CHST9: variants seen among roughly 807,000 people sequenced by gnomAD.
CHST9 encodes the protein GalNAc-4-sulfotransferase 2.
CHST9 carries 41 observed loss-of-function variants against 44.4 expected under a neutral mutation model. The ratio of observed to expected loss-of-function variants is 0.92; its 90% CI spans 0.72 to 1.20. CHST9 has a LOEUF of 1.20. Among genes scored for constraint, CHST9 ranks in the 50% most tolerant of loss-of-function variants. The probability of loss-of-function intolerance (pLI) is 0.00; values close to 1 mark genes in which losing one functional copy is unlikely to be tolerated. For missense variants in CHST9, 504 were observed against 516.5 expected (o/e 0.98, Z 0.23); for synonymous variants, 171 against 178.4 (o/e 0.96, Z 0.33).
intron 2 of CHST9, among the ~76,000 whole-genome samples, chr18:27,055,200 A>C (rs1399675616): frequency 1.3e-5 from 2 of 152,190 alleles, no homozygotes; most frequent in South Asian, 2.1e-4. Flanking sequence ...TAGAATCATG[A>C]CAATGAAAAT....
intron 4 of CHST9, among the ~76,000 whole-genome samples, chr18:26,954,092 A>AT (rs907406308): frequency 7.2e-5 from 11 of 152,090 alleles, no homozygotes; most frequent in Non-Finnish European, 1.6e-4. Flanking sequence ...ATCAAATTGT[A>AT]TTTTAATAAG....
At chr18:27,049,800 A>T (rs535153228) in intron 2 of CHST9, among the ~76,000 whole-genome samples, 1 of 152,184 alleles carries the variant, frequency 6.6e-6, no homozygotes, top group Non-Finnish European at 1.5e-5. Flanking sequence ...GAAATTACAG[A>T]TGCAAGAAAT....
In CHST9 at chr18:26,992,110, A is replaced by T. The variant is rs1460937168; in HGVS notation, c.202+32006T>A. ...TCCCACCCTGTTCCTATGTTTGGGG[A>T]TCCCAACTTTGAGGTTGAGCCCACA... On this transcript the variant is annotated intron_variant, in intron 4 of 5. Coordinates refer to ENST00000618847, the MANE Select transcript of CHST9 (RefSeq NM_031422.6). Among the ~76,000 whole-genome samples the T allele has an allele frequency of 5.5e-5, 7 of 127,090 alleles. 1 individual carries two copies. The highest frequency in any genetic ancestry group is 1.9e-4 in the African/African-American group (7 of 37,610). 83.4% of individuals were successfully genotyped at this position (127,090 alleles called of 152,430 possible). A position where few individuals can be genotyped will look rare whatever the true frequency, so the allele number is the denominator to read the frequency against.
Position 27,151,734 on chromosome 18 carries a change from G to C in CHST9, c.-96-8829C>G, listed in dbSNP as rs573570765. ...GAAAGGGAACCATGAGCTAGGGAAT[G>C]TAGGTGGCCTCTAGCAGCTAAAAAA... On this transcript the variant is annotated intron_variant, in intron 1 of 5. Coordinates refer to ENST00000618847, the MANE Select transcript of CHST9 (RefSeq NM_031422.6). Among the ~76,000 whole-genome samples, 14 of 152,286 alleles carry C rather than the reference G, an allele frequency of 9.2e-5. No individual in the cohort carries two copies. The East Asian group carries it at 2.5e-3, about 27-fold the overall frequency.
At chr18:27,091,840 T>C (rs961440752) in intron 2 of CHST9, among the ~76,000 whole-genome samples, 1 of 152,184 alleles carries the variant, frequency 6.6e-6, no homozygotes, top group African/African-American at 2.4e-5. Context: ...CTGCTGGATT[T>C]GGTTTGCCAG....
intron 2 of CHST9, among the ~76,000 whole-genome samples, chr18:27,053,854 C>T (rs150448226): frequency 3.2e-4 from 48 of 152,284 alleles, no homozygotes; most frequent in Non-Finnish European, 6.0e-4. Flanking sequence ...GCTTTTAGAG[C>T]TCAGCTCAGC....
At position 27,137,475 on chromosome 18, in the gene CHST9, A is replaced by G. The variant is rs149669539; in HGVS notation, c.121+5214T>C. 3.3e-5 allele frequency among the ~76,000 whole-genome samples: 5 copies of G among 152,016 alleles called. No individual in the cohort carries two copies. In the East Asian group the frequency reaches 7.8e-4, roughly 24 times the overall value. On this transcript the variant is annotated intron_variant, in intron 2 of 5. Coordinates refer to ENST00000618847, the MANE Select transcript of CHST9 (RefSeq NM_031422.6). ...AAGGGATCCCAGGCTCCTGAAACTG[A>G]GCACATCCAGTCAGCAAAGGGCTTG...
intron 5 of CHST9, among the ~76,000 whole-genome samples, chr18:26,944,068 G>C (rs562344492): frequency 6.6e-6 from 1 of 152,316 alleles, no homozygotes; most frequent in African/African-American, 2.4e-5. Context: ...ATACTTGCAA[G>C]TTAGAACTGG....
intron 2 of CHST9, among the ~76,000 whole-genome samples, chr18:27,107,727 GCCACAA>G (rs1006647875): frequency 2.0e-5 from 3 of 152,122 alleles, no homozygotes; most frequent in African/African-American, 7.2e-5. Flanking sequence ...CACAGAGATA[GCCACAA>G]CTTTTCTGAG....
intron 2 of CHST9, among the ~76,000 whole-genome samples, chr18:27,086,803 G>C (rs1251521118): frequency 6.6e-6 from 1 of 152,014 alleles, no homozygotes; most frequent in Non-Finnish European, 1.5e-5. Flanking sequence ...GCCTTAATGA[G>C]TACTCAACTG....
chr18:27,073,768 C>A (rs991515044), intron 2 of CHST9, among the ~76,000 whole-genome samples: 9 of 152,020 alleles, frequency 5.9e-5, no homozygotes, highest in African/African-American at 2.2e-4. Context: ...TGGCTTCTGA[C>A]ATTCAGTACC....
chr18:27,012,795 C>G (rs2057100910), intron 4 of CHST9, among the ~76,000 whole-genome samples: 2 of 152,160 alleles, frequency 1.3e-5, no homozygotes, highest in African/African-American at 4.8e-5. Flanking sequence ...ACAAAAGGTA[C>G]AGTAATTATA....
intron 4 of CHST9, among the ~76,000 whole-genome samples, chr18:26,963,120 G>C (rs547634399): frequency 6.6e-6 from 1 of 152,146 alleles, no homozygotes; most frequent in African/African-American, 2.4e-5. Context: ...ATTGGGCATA[G>C]AGTGAATGAA....
intron 2 of CHST9, among the ~76,000 whole-genome samples, chr18:27,138,497 C>T (rs888097469): frequency 6.6e-6 from 1 of 152,088 alleles, no homozygotes; most frequent in Non-Finnish European, 1.5e-5. Context: ...GGATCTAAGC[C>T]TTCATTTTTT....
intron 2 of CHST9, among the ~76,000 whole-genome samples, chr18:27,123,286 C>T (rs1156769518): frequency 6.6e-6 from 1 of 152,158 alleles, no homozygotes; most frequent in Non-Finnish European, 1.5e-5. Flanking sequence ...TACACCCATA[C>T]TCTGACAGTT....
intron 2 of CHST9, among the ~76,000 whole-genome samples, chr18:27,055,794 A>G (rs1487823800): frequency 1.3e-5 from 2 of 152,218 alleles, no homozygotes; most frequent in African/African-American, 2.4e-5. Context: ...ATAGCATGAT[A>G]TAACAAAAGG....
chr18:26,921,581 A>G lies in CHST9; in HGVS notation c.241-4231T>C, dbSNP rs746188386. Among the ~76,000 whole-genome samples the G allele has an allele frequency of 8.6e-4, 131 of 152,110 alleles. 4 individuals are homozygous for G. Among genetic ancestry groups the G allele is most frequent in the Non-Finnish European group, 2.6e-4 (18 of 68,022 alleles). Reference sequence around the variant, plus strand: ...CCCCATCTAACTCCATTTTCTTCCAATCACAGCAAAGACTCCATGACTAAG... The same window carrying G: ...CCCCATCTAACTCCATTTTCTTCCAGTCACAGCAAAGACTCCATGACTAAG... On this transcript the variant is annotated intron_variant, in intron 5 of 5. Coordinates refer to ENST00000618847, the MANE Select transcript of CHST9 (RefSeq NM_031422.6).
chr18:26,946,979 T>C (rs2056173548), intron 4 of CHST9, among the ~76,000 whole-genome samples: 1 of 152,172 alleles, frequency 6.6e-6, no homozygotes, highest in South Asian at 2.1e-4. Flanking sequence ...TCTTTTTGCT[T>C]AGGGTTGTCT....
intron 2 of CHST9, among the ~76,000 whole-genome samples, chr18:27,054,718 A>T (rs1215601489): frequency 6.6e-6 from 1 of 152,140 alleles, no homozygotes; most frequent in East Asian, 1.9e-4. Context: ...ATAAATGGCA[A>T]TTTGATGCTG....
Sources: allele counts gnomAD v4.1 joint callset (sites outside exome capture counted in the v4.1 genomes callset), GRCh38; gene constraint gnomAD v4.1.1; transcripts MANE v1.5; gene names NCBI Gene and HGNC (gene_info 2026-07-23, HGNC 2026-07-21).